Variants in MBOAT1 observed in about 807,000 individuals in gnomAD.
MBOAT1 encodes membrane bound glycerophospholipid O-acyltransferase 1.
MBOAT1 carries 67 observed loss-of-function variants against 64.4 expected under a neutral mutation model. The ratio of observed to expected loss-of-function variants is 1.04; its 90% CI spans 0.85 to 1.27. The LOEUF is 1.27. Ranked by LOEUF, MBOAT1 falls within the 50% of genes most tolerant of loss-of-function variation. The pLI is 0.00. For missense variants in MBOAT1, 563 were observed against 604.6 expected (o/e 0.93, Z 0.72); for synonymous variants, 229 against 218.9 (o/e 1.05, Z -0.41).
rs1475824331 is a variant in MBOAT1 at position 20,112,898 on chromosome 6, A to G, written c.1187T>C (p.Leu396Pro). ...TACCGCTCTAGCTGCTAATGTGACA[A>G]GAATTCCAGTTAAGAAGGTAAAATA... ...GYYFTFLTGI[L>P]VTLAARAVRN... The change falls in exon 11 of 13, where the codon CTT becomes CCT. Residue 396 changes from leucine (L) to proline (P), a missense_variant. Transcript: ENST00000324607. The G allele has an allele frequency of 6.2e-7, 1 of 1,614,082 alleles. No individual in the cohort carries two copies.
At chr6:20,189,397 A>AT (rs1282984556) in intron 1 of MBOAT1, among the ~76,000 whole-genome samples, 2 of 151,912 alleles carry the variant, frequency 1.3e-5, no homozygotes, top group African/African-American at 4.8e-5. Flanking sequence ...TTTCTAAGTA[A>AT]TTTTTTTTAA....
chr6:20,194,126 A>AG (rs1469079263), intron 1 of MBOAT1, among the ~76,000 whole-genome samples: 2 of 152,030 alleles, frequency 1.3e-5, no homozygotes, highest in African/African-American at 4.8e-5. Context: ...AGTGATCCAA[A>AG]AAAAAAAGCA....
chr6:20,110,421 G>C (rs941284343), intron 11 of MBOAT1, among the ~76,000 whole-genome samples: 9 of 150,636 alleles, frequency 6.0e-5, no homozygotes, highest in East Asian at 3.9e-4. Flanking sequence ...TCACTTTGCT[G>C]CCTAGGCTGG....
chr6:20,153,139 C>G (rs1761577305), intron 1 of MBOAT1, among the ~76,000 whole-genome samples: 1 of 152,082 alleles, frequency 6.6e-6, no homozygotes, highest in Non-Finnish European at 1.5e-5. Flanking sequence ...CAGCCTTGCT[C>G]TTGTTTTTTG....
chr6:20,165,290 T>C (rs1393151822), intron 1 of MBOAT1, among the ~76,000 whole-genome samples: 6 of 152,188 alleles, frequency 3.9e-5, no homozygotes, highest in African/African-American at 1.2e-4. Flanking sequence ...ACTTTGTAAA[T>C]GGATTCAAAA....
intron 1 of MBOAT1, among the ~76,000 whole-genome samples, chr6:20,195,016 A>G (rs1289295746): frequency 6.6e-6 from 1 of 151,918 alleles, no homozygotes; most frequent in Non-Finnish European, 1.5e-5. Context: ...CAGTGGCTCA[A>G]TCATGGCTTC....
chr6:20,207,351 C>T (rs1377214206), intron 1 of MBOAT1, among the ~76,000 whole-genome samples: 1 of 152,196 alleles, frequency 6.6e-6, no homozygotes, highest in African/African-American at 2.4e-5. Context: ...TAATGGCTCT[C>T]AAACTTTAGT....
chr6:20,103,472 C>A (rs781530382), intron 12 of MBOAT1, among the ~76,000 whole-genome samples: 111 of 152,268 alleles, frequency 7.3e-4, no homozygotes, highest in Non-Finnish European at 1.2e-3. Context: ...ACTCTTGTTG[C>A]CCAGGTTGGA....
intron 1 of MBOAT1, among the ~76,000 whole-genome samples, chr6:20,172,725 C>T (rs1762235225): frequency 6.6e-6 from 1 of 152,078 alleles, no homozygotes; most frequent in African/African-American, 2.4e-5. Flanking sequence ...GCAAATATAA[C>T]ACTGATCTAC....
chr6:20,198,910 A>C (rs1284251478), intron 1 of MBOAT1, among the ~76,000 whole-genome samples: 2 of 152,258 alleles, frequency 1.3e-5, no homozygotes, highest in Non-Finnish European at 2.9e-5. Context: ...ACGTATTTTA[A>C]GTTCGACCTA....
chr6:20,211,437 A>G (rs1581474504), intron 1 of MBOAT1, among the ~76,000 whole-genome samples: 1 of 152,270 alleles, frequency 6.6e-6, no homozygotes, highest in East Asian at 1.9e-4. Flanking sequence ...CTTCATCTTC[A>G]GGAAGGTTTC....
intron 1 of MBOAT1, among the ~76,000 whole-genome samples, chr6:20,167,859 T>C (rs1762056184): frequency 6.6e-6 from 1 of 152,216 alleles, no homozygotes; most frequent in African/African-American, 2.4e-5. Context: ...AACTGTACGA[T>C]GCATGCTAGA....
chr6:20,166,550 T>C (rs1762019623), intron 1 of MBOAT1, among the ~76,000 whole-genome samples: 1 of 152,158 alleles, frequency 6.6e-6, no homozygotes, highest in African/African-American at 2.4e-5. Context: ...CTGTGCTCCC[T>C]GCACAGAGTT....
chr6:20,160,772 A>G (rs555833626), intron 1 of MBOAT1, among the ~76,000 whole-genome samples: 9 of 152,280 alleles, frequency 5.9e-5, no homozygotes, highest in Admixed American at 2.6e-4. Context: ...ACAGAACAAA[A>G]AGTGACTGTA....
chr6:20,202,856 A>G (rs1478413276), intron 1 of MBOAT1, among the ~76,000 whole-genome samples: 2 of 152,218 alleles, frequency 1.3e-5, no homozygotes, highest in African/African-American at 2.4e-5. Context: ...TTGTTTACTA[A>G]AAGAGCTGAC....
chr6:20,204,047 A>G (rs1309752347), intron 1 of MBOAT1, among the ~76,000 whole-genome samples: 1 of 152,192 alleles, frequency 6.6e-6, no homozygotes. Flanking sequence ...AGACAATTCC[A>G]TCTTTAAATT....
intron 2 of MBOAT1, 112 bp downstream of exon 2, chr6:20,152,512 T>G: frequency 8.8e-7 from 1 of 1,142,102 alleles, no homozygotes; most frequent in African/African-American, 1.6e-5. Context: ...ATATAAAATT[T>G]TACAATACAT....
Position 20,151,237 on chromosome 6 carries a change from C to T in MBOAT1, c.271G>A (p.Val91Met). 6.2e-7 allele frequency: 1 copy of T among 1,613,110 alleles called. No individual in the cohort carries two copies. Among genetic ancestry groups the T allele is most frequent in the Non-Finnish European group, 8.5e-7 (1 of 1,179,410 alleles). Residue 91 changes from valine (V) to methionine (M), a missense_variant, in exon 3 of 13, where the codon GTG becomes ATG. Coordinates refer to ENST00000324607, the MANE Select transcript of MBOAT1 (RefSeq NM_001080480.3). ...GWYSVHLFVL[V>M]LMCYAIMVTA... ...ACCATGATTGCATAGCACATTAACA[C>T]CAGCACAAAAAGATGCACAGAGTAC... is the stretch of plus-strand genomic sequence containing the variant.
At chr6:20,155,283 AC>A (rs1470932530) in intron 1 of MBOAT1, among the ~76,000 whole-genome samples, 5 of 152,022 alleles carry the variant, frequency 3.3e-5, no homozygotes, top group Non-Finnish European at 7.4e-5. Flanking sequence ...TGTTCTAACC[AC>A]CCCCAACACC....
Sources: gnomAD v4.1 joint callset for allele counts (sites outside exome capture counted in the v4.1 genomes callset) on GRCh38, gnomAD v4.1.1 for gene constraint, MANE v1.5 for transcripts, NCBI Gene and HGNC (gene_info 2026-07-23, HGNC 2026-07-21) for gene names.